The following ITPR2 variants were observed in gnomAD, a reference collection of about 807,000 sequenced individuals.
ITPR2 encodes the protein inositol 1,4,5-trisphosphate-gated calcium channel ITPR2.
In ITPR2, 207 loss-of-function variants were observed where a neutral mutation model predicts 317.1. That is an observed-to-expected ratio of 0.65 (90% CI 0.58 to 0.73). The LOEUF (loss-of-function observed/expected upper bound fraction) is 0.73, where lower values mean the gene tolerates loss of function less well. Ranked by LOEUF, ITPR2 falls within the 30% of genes least tolerant of loss-of-function variation. The pLI is 0.00. For synonymous variants in ITPR2, 1,156 were observed against 1,149.1 expected (o/e 1.01, Z -0.12); for missense variants, 2,613 against 3,284.0 (o/e 0.80, Z 4.99).
intron 26 of ITPR2, among the ~76,000 whole-genome samples, chr12:26,605,128 T>TATATATATATATATATATAG (rs1946102453): frequency 9.7e-6 from 1 of 103,040 alleles, no homozygotes; most frequent in Non-Finnish European, 2.5e-5. Context: ...AAAATAAAAA[T>TATATATATATATATATATAG]ATATATATAT....
At chr12:26,613,348 C>T (rs1946313209) in intron 26 of ITPR2, among the ~76,000 whole-genome samples, 2 of 152,020 alleles carry the variant, frequency 1.3e-5, no homozygotes, top group African/African-American at 4.8e-5. Context: ...AATGGTCAAA[C>T]AGAAAATGAC....
chr12:26,741,654 C>T (rs1433912841), intron 2 of ITPR2, among the ~76,000 whole-genome samples: 1 of 152,156 alleles, frequency 6.6e-6, no homozygotes, highest in East Asian at 1.9e-4. Context: ...ATCCCCTGAA[C>T]GTGTAAGAAA....
chr12:26,775,760 C>G (rs1949949077), intron 2 of ITPR2, among the ~76,000 whole-genome samples: 3 of 151,796 alleles, frequency 2.0e-5, no homozygotes, highest in Admixed American at 2.0e-4. Flanking sequence ...ACTGGATTAG[C>G]CTTCCAGCTT....
At chr12:26,514,077 T>G (rs1488304173) in intron 37 of ITPR2, among the ~76,000 whole-genome samples, 1 of 152,246 alleles carries the variant, frequency 6.6e-6, no homozygotes. Flanking sequence ...TTATAAACCA[T>G]AGACTGCATA....
intron 48 of ITPR2, among the ~76,000 whole-genome samples, chr12:26,435,136 T>C (rs1276814735): frequency 2.6e-5 from 4 of 152,196 alleles, no homozygotes; most frequent in African/African-American, 9.7e-5. Flanking sequence ...AACTTTGATA[T>C]CTATGTTACC....
chr12:26,668,860 C>A (rs972801218), intron 13 of ITPR2, among the ~76,000 whole-genome samples: 1 of 152,032 alleles, frequency 6.6e-6, no homozygotes, highest in Non-Finnish European at 1.5e-5. Flanking sequence ...GTGGCTCATG[C>A]CTGTAATCCC....
At chr12:26,689,382 C>T (rs948635805) in intron 10 of ITPR2, among the ~76,000 whole-genome samples, 1 of 151,894 alleles carries the variant, frequency 6.6e-6, no homozygotes, top group Non-Finnish European at 1.5e-5. Context: ...CATCACTGCA[C>T]TCCAGCCTGG....
In ITPR2 at chr12:26,516,280, GGGAAGGGAAA is replaced by G. The variant is rs1943503411; in HGVS notation, c.5074-21030_5074-21021del. ...AGGAAAGGAAAGGAAAGGAAGGGAA[GGGAAGGGAAA>G]GGAAAGGAAAGGAAAGGAAAGGAAA... On this transcript the variant is annotated intron_variant, in intron 37 of 56. Coordinates refer to ENST00000381340, the MANE Select transcript of ITPR2 (RefSeq NM_002223.4). Among the ~76,000 whole-genome samples, 124 of 45,188 alleles carry G rather than the reference GGGAAGGGAAA, an allele frequency of 2.7e-3. 3 individuals carry two copies. The highest frequency in any genetic ancestry group is 0.012 in the Middle Eastern group (1 of 82). The allele number at this position is 45,188 out of a possible 152,430, so 29.6% of individuals were successfully genotyped here. A position where few individuals can be genotyped will look rare whatever the true frequency, so the allele number is the denominator to read the frequency against.
intron 50 of ITPR2, among the ~76,000 whole-genome samples, chr12:26,417,792 A>ATTGG (rs397775926): frequency 6.6e-6 from 1 of 152,048 alleles, no homozygotes; most frequent in East Asian, 1.9e-4. Flanking sequence ...AAGAAAGTTG[A>ATTGG]GCACAAAAGT....
intron 9 of ITPR2, among the ~76,000 whole-genome samples, chr12:26,701,498 G>A (rs1246228581): frequency 6.6e-6 from 1 of 152,104 alleles, no homozygotes; most frequent in Non-Finnish European, 1.5e-5. Flanking sequence ...AACCTTTACT[G>A]GGTGTATATG....
intron 37 of ITPR2, among the ~76,000 whole-genome samples, chr12:26,502,694 A>G (rs1338679502): frequency 2.0e-5 from 3 of 152,158 alleles, no homozygotes; most frequent in Non-Finnish European, 4.4e-5. Context: ...TCAGTAATGG[A>G]CTCAGCTTAC....
chr12:26,790,873 A>C (rs1950329886), intron 1 of ITPR2, among the ~76,000 whole-genome samples: 1 of 152,182 alleles, frequency 6.6e-6, no homozygotes, highest in Non-Finnish European at 1.5e-5. Flanking sequence ...ATACCTAAAC[A>C]ATAAGGATAA....
At chr12:26,528,355 A>G (rs754776794) in intron 37 of ITPR2, among the ~76,000 whole-genome samples, 1 of 152,204 alleles carries the variant, frequency 6.6e-6, no homozygotes, top group African/African-American at 2.4e-5. Context: ...AAAAGTAAAT[A>G]TAAGATTCAA....
At chr12:26,364,349 A>G (rs911630536) in intron 55 of ITPR2, among the ~76,000 whole-genome samples, 2 of 152,200 alleles carry the variant, frequency 1.3e-5, no homozygotes, top group African/African-American at 2.4e-5. Context: ...GTTCACTGCC[A>G]TTCTGGGATA....
chr12:26,671,583 C>A (rs1034475271), intron 13 of ITPR2, among the ~76,000 whole-genome samples: 1 of 151,944 alleles, frequency 6.6e-6, no homozygotes, highest in Non-Finnish European at 1.5e-5. Flanking sequence ...TGGTACCAGC[C>A]GCTGCAAAAT....
chr12:26,680,791 C>T lies in ITPR2; in HGVS notation c.1409+1083G>A, dbSNP rs1295887848. On this transcript the variant is annotated intron_variant, in intron 13 of 56. Transcript: ENST00000381340. ...GGTGATGGACATTTGGATGGTTTTCCATTTGGGGTTATTTCAAACAAAGCT... is the reference window on the plus strand; with the variant it reads ...GGTGATGGACATTTGGATGGTTTTCTATTTGGGGTTATTTCAAACAAAGCT... 2.6e-5 allele frequency among the ~76,000 whole-genome samples: 4 copies of T among 152,106 alleles called. No homozygotes were observed. In the East Asian group the frequency reaches 5.8e-4, roughly 22 times the overall value.
At position 26,404,737 on chromosome 12, in the gene ITPR2, AAGAG is replaced by A. The variant is rs374520835; in HGVS notation, c.7400-4483_7400-4480del. 5.3e-5 allele frequency among the ~76,000 whole-genome samples: 8 copies of A among 152,296 alleles called. No individual in the cohort carries two copies. The East Asian group carries it at 1.2e-3, about 22-fold the overall frequency. ...GGGACCTAAGATGTGTGTAGGAAGA[AAGAG>A]AGAGAACAGATGATGACAAGGAAAA... On this transcript the variant is annotated intron_variant, in intron 52 of 56. Transcript: ENST00000381340.
At chr12:26,395,777 G>A (rs1400724707) in intron 54 of ITPR2, among the ~76,000 whole-genome samples, 1 of 152,162 alleles carries the variant, frequency 6.6e-6, no homozygotes, top group Non-Finnish European at 1.5e-5. Context: ...ATGAGAACCT[G>A]TCACTTTGTC....
Position 26,387,509 on chromosome 12 carries a change from G to A in ITPR2, c.7782C>T (p.Tyr2594=), listed in dbSNP as rs772286379. 1 of 1,613,736 alleles carries A rather than the reference G, an allele frequency of 6.2e-7. No individual in the cohort carries two copies. The part of the protein sequence containing the change: ...KSEHNMWHYL[Y]FIVLVKVKDP... The stretch of plus-strand genomic sequence containing the variant: ...CTTTAACTTTCACCAGGACTATGAA[G>A]TACAAATAATGCCACATATTGTGTT... The change falls in exon 55 of 57, where the codon TAC becomes TAT. Residue 2594 remains tyrosine, a synonymous_variant. Coordinates refer to ENST00000381340, the MANE Select transcript of ITPR2 (RefSeq NM_002223.4).
Sources: gnomAD v4.1 joint callset for allele counts (sites outside exome capture counted in the v4.1 genomes callset) on GRCh38, gnomAD v4.1.1 for gene constraint, MANE v1.5 for transcripts, NCBI Gene and HGNC (gene_info 2026-07-23, HGNC 2026-07-21) for gene names.